Variants in NOL4 observed in about 807,000 individuals in gnomAD.
NOL4 encodes cancer/testis antigen 125.
A neutral mutation model predicts 75.9 loss-of-function variants in NOL4; 17 were observed. The ratio of observed to expected loss-of-function variants is 0.22; its 90% CI spans 0.15 to 0.34. NOL4 has a LOEUF of 0.34. Ranked by LOEUF, NOL4 falls within the 10% of genes least tolerant of loss-of-function variation. The probability of loss-of-function intolerance (pLI) is 1.00; values close to 1 mark genes in which losing one functional copy is unlikely to be tolerated. For synonymous variants in NOL4, 292 were observed against 289.9 expected, an observed-to-expected ratio of 1.01 and a Z score of -0.07; for missense variants, 614 against 793.5, an observed-to-expected ratio of 0.77 and a Z score of 2.72.
intron 1 of NOL4, among the ~76,000 whole-genome samples, chr18:34,160,994 G>A (rs896332919): frequency 4.6e-5 from 7 of 152,206 alleles, no homozygotes; most frequent in Admixed American, 4.6e-4. Flanking sequence ...CTTTCATCCT[G>A]TAGTTACCAC....
intron 5 of NOL4, among the ~76,000 whole-genome samples, chr18:34,073,342 G>A (rs567202715): frequency 1.2e-4 from 18 of 151,954 alleles, no homozygotes; most frequent in East Asian, 5.8e-4. Flanking sequence ...GGTGATAGTC[G>A]TCCTTTGGTC....
chr18:34,148,426 T>C (rs1028742601), intron 1 of NOL4, among the ~76,000 whole-genome samples: 1 of 152,118 alleles, frequency 6.6e-6, no homozygotes, highest in Non-Finnish European at 1.5e-5. Flanking sequence ...TCTGTTCTCT[T>C]TGATTTCAAA....
At chr18:34,158,581 C>T (rs575325811) in intron 1 of NOL4, 1 of 152,250 alleles carries the variant, frequency 6.6e-6, no homozygotes, top group Admixed American at 6.5e-5. Flanking sequence ...CTCGTTTTTA[C>T]GTACTATGTA....
At chr18:34,166,577 C>T (rs1032027044) in intron 1 of NOL4, among the ~76,000 whole-genome samples, 2 of 151,994 alleles carry the variant, frequency 1.3e-5, no homozygotes, top group Non-Finnish European at 2.9e-5. Context: ...GTCACTAACA[C>T]AATAGAAAAA....
intron 10 of NOL4, among the ~76,000 whole-genome samples, chr18:33,882,718 AG>A (rs2064371341): frequency 6.6e-6 from 1 of 151,998 alleles, no homozygotes. Flanking sequence ...ATATACCCAA[AG>A]GACTATAAAT....
At chr18:33,917,083 A>C (rs561233511) in intron 9 of NOL4, among the ~76,000 whole-genome samples, 112 of 152,082 alleles carry the variant, frequency 7.4e-4, no homozygotes, top group Non-Finnish European at 1.5e-3. Flanking sequence ...TTTTCATTTT[A>C]TTACAACTAT....
intron 4 of NOL4, among the ~76,000 whole-genome samples, chr18:34,096,297 T>C (rs1173813407): frequency 6.6e-6 from 1 of 152,082 alleles, no homozygotes; most frequent in Admixed American, 6.6e-5. Context: ...TGAAATATAA[T>C]TCATTTTCAC....
In NOL4 at chr18:34,101,687, G is replaced by A. The variant is rs186441879; in HGVS notation, c.639+2360C>T. ...ATTCAAAGGCCAATTTCTCATGCAGGAAGGAATAGAGCTTTGTTAACTCCT... is the reference window on the plus strand; with the variant it reads ...ATTCAAAGGCCAATTTCTCATGCAGAAAGGAATAGAGCTTTGTTAACTCCT... On this transcript the variant is annotated intron_variant, in intron 4 of 10. Transcript: ENST00000261592. Among the ~76,000 whole-genome samples, 355 of 152,154 alleles carry A rather than the reference G, an allele frequency of 2.3e-3. 2 individuals are homozygous for A. The highest frequency in any genetic ancestry group is 0.01 in the Middle Eastern group (3 of 294).
intron 10 of NOL4, among the ~76,000 whole-genome samples, chr18:33,864,002 GA>G (rs2063309995): frequency 6.6e-6 from 1 of 152,190 alleles, no homozygotes; most frequent in African/African-American, 2.4e-5. Context: ...TGCATCCCCT[GA>G]AGCAATGGCT....
At chr18:34,190,658 C>T (rs2034846951) in intron 1 of NOL4, among the ~76,000 whole-genome samples, 1 of 151,476 alleles carries the variant, frequency 6.6e-6, no homozygotes, top group African/African-American at 2.4e-5. Context: ...AGTACAAAGA[C>T]ATTTTTAATA....
chr18:34,048,255 A>G (rs952846094), intron 5 of NOL4, among the ~76,000 whole-genome samples: 2 of 152,164 alleles, frequency 1.3e-5, no homozygotes, highest in East Asian at 3.9e-4. Flanking sequence ...ATATTTAAAA[A>G]GTACCTAAAA....
Position 33,957,428 on chromosome 18 carries a change from G to A in NOL4, c.1326C>T (p.Asp442=), listed in dbSNP as rs1374367231. Residue 442 remains aspartate (D), a synonymous_variant, in exon 8 of 11, where the codon GAC becomes GAT. Transcript: ENST00000261592. Reference sequence around the variant, plus strand: ...ACTCAGGGAATTGTCGCCTGCATGAGTCAATGATAGCCTGGATCTTTTCTT... The same window carrying A: ...ACTCAGGGAATTGTCGCCTGCATGAATCAATGATAGCCTGGATCTTTTCTT... ...QPKEKIQAII[D]SCRRQFPEYQ... is the part of the protein sequence containing the mutation. 1.2e-6 allele frequency: 2 copies of A among 1,613,726 alleles called. No individual in the cohort carries two copies. The highest frequency in any genetic ancestry group is 4.5e-5 in the East Asian group (2 of 44,814).
chr18:33,940,907 G>T (rs1165348711), intron 9 of NOL4, among the ~76,000 whole-genome samples: 6 of 151,924 alleles, frequency 3.9e-5, no homozygotes, highest in African/African-American at 1.4e-4. Context: ...GGAGTAAGAA[G>T]TCCCATTTTT....
chr18:34,167,522 C>T (rs2032521896), intron 1 of NOL4, among the ~76,000 whole-genome samples: 1 of 94,422 alleles, frequency 1.1e-5, no homozygotes, highest in Admixed American at 1.3e-4. Flanking sequence ...GAGACTGTTT[C>T]CTCAAATAAT....
intron 6 of NOL4, among the ~76,000 whole-genome samples, chr18:33,999,139 C>T (rs2073507052): frequency 6.7e-6 from 1 of 149,388 alleles, no homozygotes; most frequent in Admixed American, 6.7e-5. Context: ...ACAGATAATG[C>T]TGAGTTTTTT....
intron 5 of NOL4, among the ~76,000 whole-genome samples, chr18:34,081,045 A>T (rs912410644): frequency 1.3e-5 from 2 of 152,190 alleles, no homozygotes; most frequent in African/African-American, 4.8e-5. Context: ...ATGGCCCTTT[A>T]TCTACTGATG....
chr18:33,943,276 G>C, intron 8 of NOL4, 98 bp from the exon 9 acceptor site: 1 of 715,494 alleles, frequency 1.4e-6, no homozygotes, highest in Non-Finnish European at 2.4e-6. Flanking sequence ...ATCAACATGT[G>C]CAGGAATATC....
At chr18:34,185,264 A>C (rs1005174533) in intron 1 of NOL4, among the ~76,000 whole-genome samples, 1 of 152,170 alleles carries the variant, frequency 6.6e-6, no homozygotes, top group Non-Finnish European at 1.5e-5. Context: ...CTGGCAGAAC[A>C]TACAAGACTT....
chr18:34,038,445 T>C (rs570803948), intron 5 of NOL4, among the ~76,000 whole-genome samples: 117 of 152,184 alleles, frequency 7.7e-4, no homozygotes, highest in Non-Finnish European at 1.1e-3. Context: ...GCATGTTTAT[T>C]GTAGCACTAT....
Sources: allele counts gnomAD v4.1 joint callset (sites outside exome capture counted in the v4.1 genomes callset), GRCh38; gene constraint gnomAD v4.1.1; transcripts MANE v1.5; gene names NCBI Gene and HGNC (gene_info 2026-07-23, HGNC 2026-07-21).